Variants in POLR1A observed in about 807,000 individuals in gnomAD.
The protein encoded by POLR1A is DNA-directed RNA polymerase I subunit RPA1.
Under a neutral mutation model 205.3 loss-of-function variants are expected in POLR1A, and 84 were observed. The ratio of observed to expected loss-of-function variants is 0.41; its 90% CI spans 0.34 to 0.49. POLR1A has a LOEUF of 0.49. Among genes scored for constraint, POLR1A ranks in the 20% least tolerant of loss-of-function variants. The pLI is 0.22. For synonymous variants in POLR1A, 799 were observed against 863.7 expected, an observed-to-expected ratio of 0.93 and a Z score of 1.31; for missense variants, 1,645 against 2,204.5, an observed-to-expected ratio of 0.75 and a Z score of 5.08.
chr2:86,048,970 G>A lies in POLR1A; in HGVS notation c.2548C>T (p.His850Tyr). The A allele has an allele frequency of 6.2e-7, 1 of 1,614,042 alleles. No individual in the cohort carries two copies. Among genetic ancestry groups the A allele is most frequent in the South Asian group, 1.1e-5 (1 of 91,080 alleles). Residue 850 changes from histidine (H) to tyrosine (Y), a missense_variant, in exon 18 of 34, where the codon CAT (histidine) becomes TAT (tyrosine). By Grantham distance (83) the His-to-Tyr change is moderately conservative (BLOSUM62 2). Transcript: ENST00000263857. ...DEVRGKWQDAHLGKDQRDFNM... is the reference protein window; with the variant it reads ...DEVRGKWQDAYLGKDQRDFNM... ...AAATCCCTCTGGTCCTTGCCCAGAT[G>A]GGCATCCTGCCATTTTCCTCGGACC...
At chr2:86,060,768 AC>A (rs1205375728) in intron 14 of POLR1A, among the ~76,000 whole-genome samples, 1 of 152,198 alleles carries the variant, frequency 6.6e-6, no homozygotes, top group African/African-American at 2.4e-5. Context: ...TACCTACAAG[AC>A]CTCAGGGCAG....
intron 9 of POLR1A, among the ~76,000 whole-genome samples, chr2:86,080,264 T>G (rs1396075292): frequency 6.6e-6 from 1 of 152,120 alleles, no homozygotes; most frequent in East Asian, 1.9e-4. Flanking sequence ...CACCTACTAA[T>G]TAACCCGGCA....
chr2:86,027,578 C>A, intron 33 of POLR1A, 55 bp from the exon 34 acceptor site: 1 of 1,465,226 alleles, frequency 6.8e-7, no homozygotes, highest in South Asian at 1.1e-5. Context: ...TTGGGAATGT[C>A]ATGAGGTGAT....
intron 14 of POLR1A, among the ~76,000 whole-genome samples, chr2:86,056,289 T>C (rs1672894997): frequency 6.6e-6 from 1 of 151,694 alleles, no homozygotes; most frequent in African/African-American, 2.4e-5. Flanking sequence ...CCGTCTCTAC[T>C]AAAAATACAA....
chr2:86,043,459 C>T (rs1672653969), intron 22 of POLR1A, among the ~76,000 whole-genome samples: 1 of 152,068 alleles, frequency 6.6e-6, no homozygotes, highest in Admixed American at 6.6e-5. Flanking sequence ...CACTCAGAGC[C>T]CCTCCAGGAG....
rs922542155 is a variant in POLR1A, at chr2:86,031,728, C to G, written c.4273-93G>C. The G allele has an allele frequency of 5.3e-6, 8 of 1,519,988 alleles. No homozygotes were observed. In the African/African-American group the frequency reaches 1.1e-4, roughly 21 times the overall value. 94.2% of individuals were successfully genotyped at this position (1,519,988 alleles called of 1,614,324 possible). The stretch of plus-strand genomic sequence containing the variant: ...AACAAAGACCCCTGCAAAGCCTTGG[C>G]TGGCCTGGGCTACCTAGGCCCCACC... On this transcript the variant is annotated intron_variant, in intron 29 of 33. Transcript: ENST00000263857.
In POLR1A at chr2:86,027,232, G is replaced by A. The variant is rs1254094612; in HGVS notation, c.*191C>T. On this transcript the variant is annotated 3_prime_UTR_variant, in exon 34 of 34. Coordinates refer to ENST00000263857, the MANE Select transcript of POLR1A (RefSeq NM_015425.6). ...GGGAGGGGCAAGGATGAGCAACTCT[G>A]TCACTTTCCAGGTGAAGCTGGCCCA... 3 of 603,702 alleles carry A rather than the reference G, an allele frequency of 5.0e-6. No homozygotes were observed. The highest frequency in any genetic ancestry group is 5.5e-5 in the East Asian group (2 of 36,276). The allele number at this position is 603,702 out of a possible 1,614,324, so 37.4% of individuals were successfully genotyped here. A position where few individuals can be genotyped will look rare whatever the true frequency, so the allele number is the denominator to read the frequency against.
In POLR1A at chr2:86,047,234, C is replaced by T; in HGVS notation, c.2664G>A (p.Gln888=). The change falls in exon 19 of 34, where the codon CAG becomes CAA. Residue 888 remains glutamine, a synonymous_variant. Transcript: ENST00000263857. ...TCATCTGCAGGCTGTTCTCTGGGAA[C>T]TGTCTGTGTAGGCCAAAAGGCATGC... ...KACMPFGLHR[Q]FPENSLQMMV... is the part of the protein sequence containing the mutation. 2.5e-6 allele frequency: 4 copies of T among 1,614,108 alleles called. No homozygotes were observed. Among genetic ancestry groups the T allele is most frequent in the Non-Finnish European group, 3.4e-6 (4 of 1,179,954 alleles).
chr2:86,048,874 C>T lies in POLR1A; in HGVS notation c.2634+10G>A, dbSNP rs1431215989. On this transcript the variant is annotated intron_variant, in intron 18 of 33. Coordinates refer to ENST00000263857, the MANE Select transcript of POLR1A (RefSeq NM_015425.6). ...GTGGTGGGGATAAATGCATGCAATG[C>T]TGGGCTAACCTTGTTAATCTCATTG... The T allele has an allele frequency of 3.1e-6, 5 of 1,611,562 alleles. No homozygotes were observed. The highest frequency in any genetic ancestry group is 1.1e-5 in the South Asian group (1 of 90,966).
At chr2:86,037,451 G>A (rs150514836) in intron 27 of POLR1A, among the ~76,000 whole-genome samples, 8 of 152,280 alleles carry the variant, frequency 5.3e-5, no homozygotes, top group Non-Finnish European at 1.2e-4. Context: ...CCCATAAGGT[G>A]AGAGGGCAGA....
rs565693337 is a variant in POLR1A, at chr2:86,030,107, G to A, written c.4779+89C>T. On this transcript the variant is annotated intron_variant, in intron 31 of 33. Coordinates refer to ENST00000263857, the MANE Select transcript of POLR1A (RefSeq NM_015425.6). Reference sequence around the variant, plus strand: ...CTCAGGAAGGGCCAGAGTAAATCGCGTAGAGCGAGCCTCCCAGTGGCTGGG... The same window carrying A: ...CTCAGGAAGGGCCAGAGTAAATCGCATAGAGCGAGCCTCCCAGTGGCTGGG... 194 of 1,078,246 alleles carry A rather than the reference G, an allele frequency of 1.8e-4. No homozygotes were observed. In the African/African-American group the frequency reaches 2.2e-3, roughly 12 times the overall value. 66.8% of individuals were successfully genotyped at this position (1,078,246 alleles called of 1,614,324 possible). A position where few individuals can be genotyped will look rare whatever the true frequency, so the allele number is the denominator to read the frequency against.
chr2:86,052,941 G>A lies in POLR1A; in HGVS notation c.2268C>T (p.Ser756=), dbSNP rs183788330. 5.0e-6 allele frequency: 8 copies of A among 1,609,044 alleles called. No individual in the cohort carries two copies. The East Asian group carries it at 1.8e-4, about 36-fold the overall frequency. The part of the protein sequence containing the change: ...CGVLDKAHYG[S]SAYGLVHCCY... ...AGCAGTGGACCAGGCCGTAGGCGGA[G>A]CTCCCATAGTGCGCCTTGTCCAGCA... Residue 756 remains serine (S), a synonymous_variant, in exon 16 of 34, where the codon AGC becomes AGT. Coordinates refer to ENST00000263857, the MANE Select transcript of POLR1A (RefSeq NM_015425.6).
chr2:86,094,948 G>A (rs715334), intron 3 of POLR1A, among the ~76,000 whole-genome samples: 56,448 of 151,982 alleles, frequency 0.37, 12,892 homozygotes, highest in Non-Finnish European at 0.51. Flanking sequence ...ATCCCATGCT[G>A]GGTCACCCTG....
At chr2:86,075,816 C>T (rs3770073) in intron 11 of POLR1A, among the ~76,000 whole-genome samples, 134,626 of 152,268 alleles carry the variant, frequency 0.88, 60,069 homozygotes, top group East Asian at 0.98. Context: ...CCAATTTTTT[C>T]ACCCAGTCTA....
intron 27 of POLR1A, among the ~76,000 whole-genome samples, chr2:86,036,409 T>C (rs1349080995): frequency 6.6e-6 from 1 of 152,146 alleles, no homozygotes; most frequent in African/African-American, 2.4e-5. Context: ...GGGAACCATC[T>C]GTCTCGTGCT....
intron 3 of POLR1A, among the ~76,000 whole-genome samples, chr2:86,096,902 TAGTC>T (rs1673714447): frequency 6.6e-6 from 1 of 151,986 alleles, no homozygotes; most frequent in African/African-American, 2.4e-5. Context: ...CACAACAAAG[TAGTC>T]AGTCAACAGA....
rs187236353 is a variant in POLR1A at position 86,071,885 on chromosome 2, T to C, written c.1612-1613A>G. 6.6e-5 allele frequency among the ~76,000 whole-genome samples: 10 copies of C among 152,312 alleles called. No homozygotes were observed. In the East Asian group the frequency reaches 1.7e-3, roughly 26 times the overall value. Reference sequence around the variant, plus strand: ...CATCCTGAAGGGCTCCTCTAAGTAGTACAAAGGAATTATGAAGACTTGGTG... The same window carrying C: ...CATCCTGAAGGGCTCCTCTAAGTAGCACAAAGGAATTATGAAGACTTGGTG... On this transcript the variant is annotated intron_variant, in intron 12 of 33. Transcript: ENST00000263857.
At chr2:86,073,398 C>T (rs1673214806) in intron 12 of POLR1A, among the ~76,000 whole-genome samples, 1 of 152,036 alleles carries the variant, frequency 6.6e-6, no homozygotes, top group East Asian at 1.9e-4. Context: ...TGGCCCAGGA[C>T]CACAGAAATA....
chr2:86,082,412 AC>A (rs1255772511), intron 7 of POLR1A, among the ~76,000 whole-genome samples: 2 of 152,164 alleles, frequency 1.3e-5, no homozygotes, highest in East Asian at 3.8e-4. Flanking sequence ...CCTAACAGTT[AC>A]TGCCAAGAAA....
Sources: gnomAD v4.1 joint callset for allele counts (sites outside exome capture counted in the v4.1 genomes callset) on GRCh38, gnomAD v4.1.1 for gene constraint, MANE v1.5 for transcripts, NCBI Gene and HGNC (gene_info 2026-07-23, HGNC 2026-07-21) for gene names.